Variants in NFATC1 observed in about 807,000 individuals in gnomAD.
NFATC1 encodes the protein nuclear factor of activated T-cells, cytoplasmic 1.
In NFATC1, 22 loss-of-function variants were observed where a neutral mutation model predicts 76.0. The ratio of observed to expected loss-of-function variants is 0.29; its 90% CI spans 0.21 to 0.41. NFATC1 has a LOEUF of 0.41. Among genes scored for constraint, NFATC1 ranks in the 10% least tolerant of loss-of-function variants. The pLI, the probability that NFATC1 is intolerant of heterozygous loss-of-function variation, is 1.00. For missense variants in NFATC1, 1,357 were observed against 1,337.7 expected (o/e 1.01, Z -0.23); for synonymous variants, 704 against 613.1 (o/e 1.15, Z -2.19).
chr18:79,448,135 G>A (rs2087293657), intron 3 of NFATC1: 1 of 152,704 alleles, frequency 6.5e-6, no homozygotes, highest in Non-Finnish European at 1.5e-5. Context: ...GCTCTGCAGG[G>A]TGGTGCGGAC....
At chr18:79,480,809 G>T (rs1308766689) in intron 8 of NFATC1, among the ~76,000 whole-genome samples, 3 of 152,190 alleles carry the variant, frequency 2.0e-5, no homozygotes, top group Admixed American at 6.5e-5. Flanking sequence ...TTTTTAAAGC[G>T]CTCGGGACAC....
intron 9 of NFATC1, among the ~76,000 whole-genome samples, chr18:79,523,746 G>A (rs2090675707): frequency 1.3e-5 from 2 of 152,150 alleles, no homozygotes; most frequent in African/African-American, 2.4e-5. Context: ...CGCCACAGTC[G>A]AGTTTTAGGA....
rs146087456 is a variant in NFATC1 at position 79,455,038 on chromosome 18, G to A, written c.1903+3222G>A. ...CGCCCGAAGAACGCCCGCGTGAAAC[G>A]TGAGCTCGGGCTGTGTCTAGAGCCT... is the stretch of plus-strand genomic sequence containing the variant. On this transcript the variant is annotated intron_variant, in intron 6 of 9. Transcript: ENST00000427363. Among the ~76,000 whole-genome samples, 736 of 152,342 alleles carry A rather than the reference G, an allele frequency of 4.8e-3. 8 individuals carry two copies. Among genetic ancestry groups the A allele is most frequent in the African/African-American group, 0.016 (678 of 41,576 alleles).
chr18:79,446,740 CAG>C (rs1485156768), intron 3 of NFATC1, among the ~76,000 whole-genome samples: 1 of 152,168 alleles, frequency 6.6e-6, no homozygotes, highest in South Asian at 2.1e-4. Context: ...TTTTGTTCTG[CAG>C]AGTTACGTGG....
intron 9 of NFATC1, chr18:79,527,277 C>T (rs377428011): frequency 1.8e-5 from 8 of 437,822 alleles, no homozygotes; most frequent in East Asian, 1.1e-4. Flanking sequence ...GCACTTTGGC[C>T]GTCAGAGACG....
chr18:79,463,871 C>T (rs930911070), intron 7 of NFATC1, among the ~76,000 whole-genome samples: 1 of 152,134 alleles, frequency 6.6e-6, no homozygotes, highest in Non-Finnish European at 1.5e-5. Flanking sequence ...AGCCGCTGGC[C>T]TGCCCTGTCC....
intron 7 of NFATC1, among the ~76,000 whole-genome samples, chr18:79,464,650 G>GTT: frequency 1.4e-5 from 1 of 73,706 alleles, no homozygotes; most frequent in Admixed American, 1.3e-4. Flanking sequence ...ATATGTGTTT[G>GTT]TGTGTGTGTG....
At chr18:79,494,840 C>A (rs1224103878) in intron 9 of NFATC1, among the ~76,000 whole-genome samples, 23 of 127,258 alleles carry the variant, frequency 1.8e-4, no homozygotes, top group African/African-American at 6.7e-4. Context: ...CACACGCCCC[C>A]CATGAACCTG....
chr18:79,411,454 C>A lies in NFATC1; in HGVS notation c.1179C>A (p.Pro393=). The A allele has an allele frequency of 6.6e-7, 1 of 1,514,760 alleles. No homozygotes were observed. Among genetic ancestry groups the A allele is most frequent in the Non-Finnish European group, 8.8e-7 (1 of 1,135,386 alleles). The allele number at this position is 1,514,760 out of a possible 1,614,324, so 93.8% of individuals were successfully genotyped here. A position where few individuals can be genotyped will look rare whatever the true frequency, so the allele number is the denominator to read the frequency against. Residue 393 remains proline (P), a synonymous_variant, in exon 2 of 10, where the codon CCC becomes CCA. Coordinates refer to ENST00000427363, the MANE Select transcript of NFATC1 (RefSeq NM_001278669.2). ...AGTACCTGGCGGTGCCGCAGCACCC[C>A]TACCAGTGGGCGAAGCCCAAGCCCC... The part of the protein sequence containing the change: ...CDQYLAVPQH[P]YQWAKPKPLS...
chr18:79,427,435 GGA>G (rs2086393767), intron 2 of NFATC1, among the ~76,000 whole-genome samples: 1 of 109,230 alleles, frequency 9.2e-6, no homozygotes, highest in Non-Finnish European at 1.8e-5. Flanking sequence ...TGGGTGGGGG[GGA>G]GCTGGACGGC....
Position 79,465,955 on chromosome 18 carries a change from G to A in NFATC1, c.1960-1495G>A, listed in dbSNP as rs889650496. 3.3e-5 allele frequency among the ~76,000 whole-genome samples: 5 copies of A among 152,196 alleles called. No individual in the cohort carries two copies. In the South Asian group the frequency reaches 6.2e-4, roughly 19 times the overall value. The stretch of plus-strand genomic sequence containing the variant: ...AGCTCCCCTGGGGCAGCTCTGATGC[G>A]GGGCAAAGGCAGGAAGACGCCCATG... On this transcript the variant is annotated intron_variant, in intron 7 of 9. Coordinates refer to ENST00000427363, the MANE Select transcript of NFATC1 (RefSeq NM_001278669.2). This position sits in a 1 kb window ranked among gnomAD's most constrained non-coding sequence, Gnocchi z 4.2.
chr18:79,467,640 A>G (rs1443536784), intron 8 of NFATC1, 58 bp downstream of exon 8: 2 of 1,598,960 alleles, frequency 1.3e-6, no homozygotes, highest in East Asian at 2.3e-5. Flanking sequence ...TGCTTTTTCT[A>G]AAGACGCAGA....
At chr18:79,426,216 G>A (rs1447018181) in intron 2 of NFATC1, among the ~76,000 whole-genome samples, 1 of 151,198 alleles carries the variant, frequency 6.6e-6, no homozygotes, top group African/African-American at 2.5e-5. Flanking sequence ...GAATCAGACA[G>A]TGATCATTTC....
chr18:79,416,234 C>T (rs574908286), intron 2 of NFATC1, among the ~76,000 whole-genome samples: 1 of 152,362 alleles, frequency 6.6e-6, no homozygotes, highest in African/African-American at 2.4e-5. Flanking sequence ...CACAGTTTAT[C>T]ACAATTTGGA....
rs761756045 is a variant in NFATC1 at position 79,440,679 on chromosome 18, A to G, written c.1386+6941A>G. ...CCGGGAAGGAGCGGCCACTGTCTGCACTGTCCAGTGCTGAGGGTGGCAGCC... is the reference window on the plus strand; with the variant it reads ...CCGGGAAGGAGCGGCCACTGTCTGCGCTGTCCAGTGCTGAGGGTGGCAGCC... On this transcript the variant is annotated intron_variant, in intron 3 of 9. Coordinates refer to ENST00000427363, the MANE Select transcript of NFATC1 (RefSeq NM_001278669.2). 5.9e-5 allele frequency among the ~76,000 whole-genome samples: 9 copies of G among 152,198 alleles called. 1 individual carries two copies. Among genetic ancestry groups the G allele is most frequent in the Non-Finnish European group, 1.2e-4 (8 of 68,034 alleles).
chr18:79,522,962 A>G (rs1047085129), intron 9 of NFATC1, among the ~76,000 whole-genome samples: 1 of 152,344 alleles, frequency 6.6e-6, no homozygotes, highest in African/African-American at 2.4e-5. Flanking sequence ...AGGGCCCAGC[A>G]GAGCCGGCTG....
intron 9 of NFATC1, among the ~76,000 whole-genome samples, chr18:79,503,776 T>G (rs956001511): frequency 6.6e-6 from 1 of 152,372 alleles, no homozygotes; most frequent in Admixed American, 6.5e-5. Context: ...CTGTTTTGTC[T>G]GCACAGAAAA....
chr18:79,479,909 G>A (rs2089214325), intron 8 of NFATC1, among the ~76,000 whole-genome samples: 1 of 152,244 alleles, frequency 6.6e-6, no homozygotes, highest in South Asian at 2.1e-4. Flanking sequence ...AGACGCCGCT[G>A]CCAGGGCTGA....
chr18:79,486,215 G>C (rs1476064844), intron 8 of NFATC1, 33 bp from the exon 9 acceptor site: 2 of 1,579,740 alleles, frequency 1.3e-6, no homozygotes, highest in Middle Eastern at 1.7e-4. Flanking sequence ...TTCGCAACTT[G>C]TGTTTATTTA....
Sources: gnomAD v4.1 joint callset for allele counts (sites outside exome capture counted in the v4.1 genomes callset) on GRCh38, gnomAD v4.1.1 for gene constraint, Gnocchi (gnomAD v3.1) non-coding constraint, MANE v1.5 for transcripts, NCBI Gene and HGNC (gene_info 2026-07-23, HGNC 2026-07-21) for gene names.